NSD1: variants seen among roughly 807,000 people sequenced by gnomAD.
NSD1 encodes nuclear receptor binding SET domain protein 1, also known as histone-lysine N-methyltransferase, H3 lysine-36 specific.
NSD1 carries 26 observed loss-of-function variants against 242.7 expected under a neutral mutation model. That is an observed-to-expected ratio of 0.11 (90% CI 0.08 to 0.15). The LOEUF (loss-of-function observed/expected upper bound fraction) is 0.15. NSD1 is among the 10% of genes least tolerant of loss of function. NSD1 has a pLI of 1.00. For synonymous variants in NSD1, 1,106 were observed against 1,178.1 expected (o/e 0.94, Z 1.25); for missense variants, 2,495 against 3,272.8 (o/e 0.76, Z 5.80).
chr5:177,250,955 G>T (rs900653893), intron 11 of NSD1, among the ~76,000 whole-genome samples: 1 of 152,154 alleles, frequency 6.6e-6, no homozygotes, highest in African/African-American at 2.4e-5. Flanking sequence ...ACTTTGGGAG[G>T]CCAAGGTGGG....
At chr5:177,204,414 T>C in intron 4 of NSD1, 122 bp downstream of exon 4, 1 of 907,494 alleles carries the variant, frequency 1.1e-6, no homozygotes, top group South Asian at 1.4e-5. Context: ...AGTACAGTGG[T>C]GCAATCTTTG....
chr5:177,226,330 C>T (rs1187595231), intron 5 of NSD1, among the ~76,000 whole-genome samples: 3 of 152,208 alleles, frequency 2.0e-5, no homozygotes, highest in Admixed American at 2.0e-4. Flanking sequence ...CCACCGGGCC[C>T]GGCCAGTAGT....
At chr5:177,150,863 A>G (rs1395636543) in intron 2 of NSD1, among the ~76,000 whole-genome samples, 1 of 152,172 alleles carries the variant, frequency 6.6e-6, no homozygotes, top group Non-Finnish European at 1.5e-5. Flanking sequence ...TTGTGTCTAT[A>G]CCCAGTGAAA....
chr5:177,194,579 CTTTTTT>C (rs1200627969), intron 3 of NSD1, among the ~76,000 whole-genome samples: 5 of 88,556 alleles, frequency 5.6e-5, no homozygotes, highest in East Asian at 3.3e-4. Flanking sequence ...CACCATGCCT[CTTTTTT>C]TTTTTTTTTT....
chr5:177,210,647 G>T lies in NSD1; in HGVS notation c.2248G>T (p.Ala750Ser). ...HKPQSDFTND[A>S]LSPKFNLSSS... Reference sequence around the variant, plus strand: ...ACCCCAGTCAGATTTTACAAATGATGCTCTCTCTCCAAAATTCAACCTGTC... The same window carrying T: ...ACCCCAGTCAGATTTTACAAATGATTCTCTCTCTCCAAAATTCAACCTGTC... Residue 750 changes from alanine to serine, a missense_variant, in exon 5 of 23, where the codon GCT becomes TCT. Physicochemically the swap from Ala to Ser is moderately conservative, Grantham distance 99. Coordinates refer to ENST00000439151, the MANE Select transcript of NSD1 (RefSeq NM_022455.5). 6.2e-7 allele frequency: 1 copy of T among 1,614,084 alleles called. No homozygotes were observed. Among genetic ancestry groups the T allele is most frequent in the Non-Finnish European group, 8.5e-7 (1 of 1,180,014 alleles).
At chr5:177,179,875 A>G (rs1760515513) in intron 2 of NSD1, among the ~76,000 whole-genome samples, 1 of 152,022 alleles carries the variant, frequency 6.6e-6, no homozygotes, top group South Asian at 2.1e-4. Flanking sequence ...TGTTACTTCT[A>G]TTCTTTAGTC....
At chr5:177,149,782 C>T (rs764210334) in intron 2 of NSD1, among the ~76,000 whole-genome samples, 9 of 152,076 alleles carry the variant, frequency 5.9e-5, no homozygotes, top group Admixed American at 3.3e-4. Context: ...GGAGCTCAGG[C>T]GATAATGCTC....
At chr5:177,188,502 A>C (rs536294033) in intron 2 of NSD1, among the ~76,000 whole-genome samples, 118 of 146,400 alleles carry the variant, frequency 8.1e-4, no homozygotes, top group Admixed American at 2.7e-3. Flanking sequence ...TACTCATTGT[A>C]CCATCAATTA....
intron 5 of NSD1, among the ~76,000 whole-genome samples, chr5:177,219,143 A>T (rs1371436234): frequency 1.3e-5 from 2 of 150,920 alleles, no homozygotes; most frequent in Non-Finnish European, 2.9e-5. Context: ...GCATTTACTG[A>T]TACAGACTTC....
chr5:177,143,039 C>T (rs778330254), intron 2 of NSD1, among the ~76,000 whole-genome samples: 10 of 152,082 alleles, frequency 6.6e-5, no homozygotes, highest in Non-Finnish European at 1.0e-4. Flanking sequence ...AGCATGGTGC[C>T]TTCTTTTTAC....
In NSD1 at chr5:177,136,263, A is replaced by G. The variant is rs1368779141; in HGVS notation, c.927+233A>G. On this transcript the variant is annotated intron_variant, in intron 2 of 22. Transcript: ENST00000439151. ...ATAACTCTTCATTGAGAGTAGGCTA[A>G]TGCTTTTAAAGGCATTTGATTGAGT... 4 of 463,012 alleles carry G rather than the reference A, an allele frequency of 8.6e-6. No individual in the cohort carries two copies. In the Admixed American group the frequency reaches 1.0e-4, roughly 12 times the overall value. The allele number at this position is 463,012 out of a possible 1,614,324, so 28.7% of individuals were successfully genotyped here.
chr5:177,203,762 A>G (rs991664327), intron 3 of NSD1, among the ~76,000 whole-genome samples: 1 of 151,582 alleles, frequency 6.6e-6, no homozygotes, highest in Non-Finnish European at 1.5e-5. Context: ...TGGGCTTACT[A>G]TATACATCTT....
At chr5:177,206,633 C>G (rs1410514277) in intron 4 of NSD1, among the ~76,000 whole-genome samples, 1 of 152,038 alleles carries the variant, frequency 6.6e-6, no homozygotes, top group Non-Finnish European at 1.5e-5. Flanking sequence ...ACAATTGATG[C>G]TTTAGAAACA....
Position 177,135,114 on chromosome 5 carries a change from C to A in NSD1, c.11C>A (p.Thr4Asn), listed in dbSNP as rs745589817. ...TGATGCCGGCCCAGGATGGATCAGA[C>A]CTGTGAACTACCCAGAAGAAATTGT... is the stretch of plus-strand genomic sequence containing the variant. MDQ[T>N]CELPRRNCLL... The change falls in exon 2 of 23, where the codon ACC becomes AAC. Residue 4 changes from threonine to asparagine, a missense_variant. Coordinates refer to ENST00000439151, the MANE Select transcript of NSD1 (RefSeq NM_022455.5). The A allele has an allele frequency of 3.1e-6, 5 of 1,614,162 alleles. No homozygotes were observed. In the East Asian group the frequency reaches 1.1e-4, roughly 36 times the overall value.
rs1438354335 is a variant in NSD1 at position 177,238,691 on chromosome 5, T to G, written c.4192+184T>G. 6.6e-6 allele frequency among the ~76,000 whole-genome samples: 1 copy of G among 152,228 alleles called. No homozygotes were observed. Among genetic ancestry groups the G allele is most frequent in the Admixed American group, 6.5e-5 (1 of 15,286 alleles). ...TTACTAACCATGAACTGTGGCACAC[T>G]ATCAAGAAGATGTATTTTTAATAAC... On this transcript the variant is annotated intron_variant, in intron 7 of 22. Transcript: ENST00000439151. The surrounding 1 kb of genome is among the most constrained non-coding windows in gnomAD (Gnocchi z 4.6).
At chr5:177,213,491 G>T (rs1010162655) in intron 5 of NSD1, among the ~76,000 whole-genome samples, 1 of 151,742 alleles carries the variant, frequency 6.6e-6, no homozygotes, top group Non-Finnish European at 1.5e-5. Context: ...TTCTTGAGAC[G>T]GAGTCTCGCT....
At position 177,238,685 on chromosome 5, in the gene NSD1, G is replaced by GTTAGTAAC. The variant is rs1414804183; in HGVS notation, c.4192+178_4192+179insTTAGTAAC. On this transcript the variant is annotated intron_variant, in intron 7 of 22. Transcript: ENST00000439151. This position sits in a 1 kb window ranked among gnomAD's most constrained non-coding sequence, Gnocchi z 4.6. Reference sequence around the variant, plus strand: ...ATATAGTTACTAACCATGAACTGTGGCACACTATCAAGAAGATGTATTTTT... The same window carrying GTTAGTAAC: ...ATATAGTTACTAACCATGAACTGTGGTTAGTAACCACACTATCAAGAAGATGTATTTTT... 1.3e-5 allele frequency among the ~76,000 whole-genome samples: 2 copies of GTTAGTAAC among 152,146 alleles called. No individual in the cohort carries two copies. Among genetic ancestry groups the GTTAGTAAC allele is most frequent in the African/African-American group, 4.8e-5 (2 of 41,430 alleles).
intron 2 of NSD1, chr5:177,136,932 C>T (rs1416811090): frequency 1.4e-6 from 1 of 700,802 alleles, no homozygotes; most frequent in African/African-American, 1.7e-5. Flanking sequence ...ATTCGATCCT[C>T]CTGCATCAGC....
At chr5:177,166,276 G>C (rs1188729798) in intron 2 of NSD1, among the ~76,000 whole-genome samples, 7 of 152,030 alleles carry the variant, frequency 4.6e-5, no homozygotes, top group Non-Finnish European at 7.4e-5. Context: ...GGTTGGGCAA[G>C]GTGGCTTATG....
Sources: gnomAD v4.1 joint callset for allele counts (sites outside exome capture counted in the v4.1 genomes callset) on GRCh38, gnomAD v4.1.1 for gene constraint, Gnocchi (gnomAD v3.1) non-coding constraint, MANE v1.5 for transcripts, NCBI Gene and HGNC (gene_info 2026-07-23, HGNC 2026-07-21) for gene names.